HHAT: variants seen among roughly 807,000 people sequenced by gnomAD.
The protein encoded by HHAT is protein-cysteine N-palmitoyltransferase HHAT.
HHAT carries 47 observed loss-of-function variants against 70.8 expected under a neutral mutation model. The ratio of observed to expected loss-of-function variants is 0.66; its 90% CI spans 0.53 to 0.85. The LOEUF (loss-of-function observed/expected upper bound fraction) is 0.85. Among genes scored for constraint, HHAT ranks in the 40% least tolerant of loss-of-function variants. The probability of loss-of-function intolerance (pLI) is 0.00; values close to 1 mark genes in which losing one functional copy is unlikely to be tolerated. For missense variants in HHAT, 609 were observed against 604.8 expected (o/e 1.01, Z -0.07); for synonymous variants, 228 against 247.6 (o/e 0.92, Z 0.74).
intron 10 of HHAT, among the ~76,000 whole-genome samples, chr1:210,608,374 T>C (rs931515456): frequency 6.6e-6 from 1 of 152,212 alleles, no homozygotes; most frequent in Admixed American, 6.5e-5. Context: ...ATATAGTAAG[T>C]ATCAAAATAG....
chr1:210,459,395 A>G (rs1474311040), intron 7 of HHAT, among the ~76,000 whole-genome samples: 2 of 152,214 alleles, frequency 1.3e-5, no homozygotes, highest in Non-Finnish European at 2.9e-5. Flanking sequence ...AACATCAACC[A>G]TATGGCAGAT....
At position 210,497,546 on chromosome 1, in the gene HHAT, T is replaced by G. The variant is rs141141249; in HGVS notation, c.1008-15607T>G. ...AGGAACTATTCTACAAGAAAGTTTCTTGGTTTGATGTTGACTGTTTGCTCT... is the reference window on the plus strand; with the variant it reads ...AGGAACTATTCTACAAGAAAGTTTCGTGGTTTGATGTTGACTGTTTGCTCT... On this transcript the variant is annotated intron_variant, in intron 8 of 11. Transcript: ENST00000261458. Among the ~76,000 whole-genome samples the G allele has an allele frequency of 3.7e-3, 562 of 152,282 alleles. 4 individuals are homozygous for G. Among genetic ancestry groups the G allele is most frequent in the Admixed American group, 6.3e-3 (97 of 15,288 alleles).
At chr1:210,574,578 T>C (rs903948942) in intron 9 of HHAT, among the ~76,000 whole-genome samples, 1 of 152,238 alleles carries the variant, frequency 6.6e-6, no homozygotes, top group African/African-American at 2.4e-5. Context: ...TATATTACCC[T>C]TGTCATCTGT....
At chr1:210,356,655 A>C (rs1263890773) in intron 2 of HHAT, among the ~76,000 whole-genome samples, 1 of 152,244 alleles carries the variant, frequency 6.6e-6, no homozygotes, top group African/African-American at 2.4e-5. Context: ...CGATTTATGA[A>C]GAAAGGATAC....
chr1:210,484,158 C>T (rs2094439530), intron 8 of HHAT, among the ~76,000 whole-genome samples: 1 of 152,174 alleles, frequency 6.6e-6, no homozygotes, highest in Non-Finnish European at 1.5e-5. Context: ...CCTGATTTCT[C>T]ACAGAGAATA....
chr1:210,348,736 C>CATGTGTGTGT (rs143188292), intron 1 of HHAT, among the ~76,000 whole-genome samples, 197 bp from the exon 2 acceptor site: 2 of 147,938 alleles, frequency 1.4e-5, no homozygotes, highest in Non-Finnish European at 1.5e-5. Flanking sequence ...TGTATGTGTG[C>CATGTGTGTGT]GTGTGTGTGT....
chr1:210,566,115 TG>T (rs1654677603), intron 9 of HHAT, among the ~76,000 whole-genome samples: 1 of 152,202 alleles, frequency 6.6e-6, no homozygotes, highest in Non-Finnish European at 1.5e-5. Flanking sequence ...GCTGCTACAA[TG>T]TTGGTTTAGG....
intron 10 of HHAT, among the ~76,000 whole-genome samples, chr1:210,613,353 A>C (rs937451298): frequency 6.6e-6 from 1 of 152,186 alleles, no homozygotes; most frequent in Admixed American, 6.5e-5. Context: ...CATTTGTTGG[A>C]AAGACTGTTC....
At chr1:210,447,001 A>G (rs2093648405) in intron 7 of HHAT, among the ~76,000 whole-genome samples, 1 of 152,164 alleles carries the variant, frequency 6.6e-6, no homozygotes, top group African/African-American at 2.4e-5. Flanking sequence ...CACTCCATAA[A>G]TATTTGTTGA....
chr1:210,473,262 C>A (rs2094239788), intron 8 of HHAT, among the ~76,000 whole-genome samples: 1 of 152,156 alleles, frequency 6.6e-6, no homozygotes, highest in African/African-American at 2.4e-5. Flanking sequence ...CTTATTGCCA[C>A]AAAGCGTCTG....
intron 8 of HHAT, among the ~76,000 whole-genome samples, chr1:210,485,172 C>T (rs772691608): frequency 6.6e-6 from 1 of 152,150 alleles, no homozygotes; most frequent in African/African-American, 2.4e-5. Flanking sequence ...CAGGCCTCCC[C>T]TTCCCCCATG....
intron 9 of HHAT, among the ~76,000 whole-genome samples, chr1:210,556,504 G>A (rs2095573998): frequency 6.6e-6 from 1 of 152,158 alleles, no homozygotes. Context: ...TGCCCTCCCT[G>A]CTGATCTGCC....
chr1:210,448,749 T>A (rs1453165527), intron 7 of HHAT, among the ~76,000 whole-genome samples: 1 of 152,208 alleles, frequency 6.6e-6, no homozygotes, highest in Non-Finnish European at 1.5e-5. Context: ...GTTTTCAGAT[T>A]TTATGTAGAA....
chr1:210,415,384 C>T (rs1210634704), intron 6 of HHAT, among the ~76,000 whole-genome samples: 1 of 152,176 alleles, frequency 6.6e-6, no homozygotes, highest in Non-Finnish European at 1.5e-5. Context: ...TGAAAACCAT[C>T]CTCAGTTTAT....
intron 9 of HHAT, among the ~76,000 whole-genome samples, chr1:210,532,348 G>A (rs577206116): frequency 6.6e-6 from 1 of 152,162 alleles, no homozygotes; most frequent in African/African-American, 2.4e-5. Flanking sequence ...CTGAGAGGAG[G>A]TTCCTTATTT....
chr1:210,431,318 G>C (rs755642901), intron 7 of HHAT, among the ~76,000 whole-genome samples: 2 of 151,846 alleles, frequency 1.3e-5, no homozygotes, highest in Middle Eastern at 6.8e-3. Flanking sequence ...CCCACATGTG[G>C]CTTGTGAAAA....
At chr1:210,450,622 T>A (rs1294880923) in intron 7 of HHAT, among the ~76,000 whole-genome samples, 1 of 150,940 alleles carries the variant, frequency 6.6e-6, no homozygotes, top group Non-Finnish European at 1.5e-5. Context: ...TTTTTTTTTT[T>A]ACATACCCCA....
intron 6 of HHAT, among the ~76,000 whole-genome samples, chr1:210,416,806 C>T (rs1005909672): frequency 7.9e-5 from 12 of 152,112 alleles, no homozygotes; most frequent in African/African-American, 2.2e-4. Context: ...CACATGGAGG[C>T]GGTTAATGAT....
At chr1:210,486,600 G>A (rs4253918) in intron 8 of HHAT, among the ~76,000 whole-genome samples, 18,153 of 152,206 alleles carry the variant, frequency 0.12, 1,416 homozygotes, top group South Asian at 0.24. Flanking sequence ...TCAGTGTGGG[G>A]GAAGCACAGT....
Sources: allele counts gnomAD v4.1 joint callset (sites outside exome capture counted in the v4.1 genomes callset), GRCh38; gene constraint gnomAD v4.1.1; transcripts MANE v1.5; gene names NCBI Gene and HGNC (gene_info 2026-07-23, HGNC 2026-07-21).